Variants in LTBP1 observed in about 807,000 individuals in gnomAD.
The protein encoded by LTBP1 is latent transforming growth factor beta binding protein 1, also known as latent-transforming growth factor beta-binding protein 1.
A neutral mutation model predicts 207.6 loss-of-function variants in LTBP1; 129 were observed. That is an observed-to-expected ratio of 0.62 (90% CI 0.54 to 0.72). The LOEUF (loss-of-function observed/expected upper bound fraction) is 0.72. LTBP1 is among the 30% of genes least tolerant of loss of function. LTBP1 has a pLI of 0.00. For synonymous variants in LTBP1, 963 were observed against 833.7 expected (o/e 1.16, Z -2.67); for missense variants, 2,281 against 2,217.2 (o/e 1.03, Z -0.58).
chr2:33,199,821 T>G (rs1192875788), intron 7 of LTBP1, among the ~76,000 whole-genome samples: 2 of 151,924 alleles, frequency 1.3e-5, no homozygotes, highest in African/African-American at 4.8e-5. Context: ...AGCATTCTTA[T>G]ACACCAATAA....
intron 2 of LTBP1, among the ~76,000 whole-genome samples, chr2:32,985,208 G>T (rs57539430): frequency 6.6e-6 from 1 of 152,146 alleles, no homozygotes; most frequent in Non-Finnish European, 1.5e-5. Context: ...TGTCCCATTA[G>T]ATCTTTATCA....
chr2:33,073,743 C>G (rs2077928133), intron 3 of LTBP1, among the ~76,000 whole-genome samples: 1 of 152,120 alleles, frequency 6.6e-6, no homozygotes, highest in Non-Finnish European at 1.5e-5. Context: ...TCTTGTGCCT[C>G]AGCTTCCTGA....
At position 32,999,878 on chromosome 2, in the gene LTBP1, G is replaced by A. The variant is rs961431572; in HGVS notation, c.566-21031G>A. Among the ~76,000 whole-genome samples the A allele has an allele frequency of 9.7e-5, 13 of 133,972 alleles. 2 individuals are homozygous for A. Among genetic ancestry groups the A allele is most frequent in the African/African-American group, 2.9e-4 (11 of 38,442 alleles). The allele number at this position is 133,972 out of a possible 152,430, so 87.9% of individuals were successfully genotyped here. A position where few individuals can be genotyped will look rare whatever the true frequency, so the allele number is the denominator to read the frequency against. On this transcript the variant is annotated intron_variant, in intron 2 of 33. Coordinates refer to ENST00000404816, the MANE Select transcript of LTBP1 (RefSeq NM_206943.4). ...CAGGGTTGTGTGTGTGTGAGAGATC[G>A]AGGGAGGCACAGACAACAGCGTTGT...
At chr2:33,101,949 G>T (rs1362650957) in intron 3 of LTBP1, among the ~76,000 whole-genome samples, 1 of 152,138 alleles carries the variant, frequency 6.6e-6, no homozygotes, top group Admixed American at 6.6e-5. Flanking sequence ...TTGCAGATAG[G>T]ATATCTGCTT....
At chr2:33,263,753 A>T (rs1245765776) in intron 15 of LTBP1, among the ~76,000 whole-genome samples, 1 of 151,926 alleles carries the variant, frequency 6.6e-6, no homozygotes, top group Non-Finnish European at 1.5e-5. Flanking sequence ...AGAGATCGAG[A>T]CCATCCTGGC....
intron 7 of LTBP1, among the ~76,000 whole-genome samples, chr2:33,208,513 GGTTATCCTT>G (rs1374915578): frequency 6.6e-6 from 1 of 152,164 alleles, no homozygotes; most frequent in Non-Finnish European, 1.5e-5. Context: ...CCATTATTAT[GGTTATCCTT>G]GATTAGGTTG....
intron 2 of LTBP1, among the ~76,000 whole-genome samples, chr2:32,954,060 G>A (rs1050626591): frequency 5.3e-5 from 8 of 152,158 alleles, no homozygotes; most frequent in African/African-American, 1.9e-4. Flanking sequence ...TTGAGGCAGG[G>A]ATGCTTTATT....
chr2:33,378,294 C>T (rs1001305108), intron 31 of LTBP1, among the ~76,000 whole-genome samples: 3 of 151,482 alleles, frequency 2.0e-5, no homozygotes, highest in Non-Finnish European at 2.9e-5. Flanking sequence ...GGCACGATCT[C>T]GGCTCACTGA....
At chr2:33,147,416 A>G (rs1360812590) in intron 5 of LTBP1, among the ~76,000 whole-genome samples, 1 of 152,162 alleles carries the variant, frequency 6.6e-6, no homozygotes, top group Non-Finnish European at 1.5e-5. Context: ...TGCTCTGAGG[A>G]TGCTGTGCTG....
At chr2:33,348,514 C>G (rs1014891913) in intron 26 of LTBP1, among the ~76,000 whole-genome samples, 2 of 152,092 alleles carry the variant, frequency 1.3e-5, no homozygotes, top group South Asian at 4.1e-4. Flanking sequence ...AAAGAAGAGA[C>G]TTTTCATTTT....
intron 23 of LTBP1, among the ~76,000 whole-genome samples, chr2:33,310,815 C>T (rs1054994161): frequency 2.0e-5 from 3 of 152,170 alleles, no homozygotes; most frequent in Non-Finnish European, 4.4e-5. Flanking sequence ...AAGCTTTCCT[C>T]TATTTACTAG....
chr2:33,008,414 T>TA (rs528688200), intron 2 of LTBP1, among the ~76,000 whole-genome samples: 1 of 152,278 alleles, frequency 6.6e-6, no homozygotes, highest in South Asian at 2.1e-4. Flanking sequence ...ATTTCTTTTT[T>TA]AAAAAAATAT....
At chr2:32,986,518 G>A (rs546352924) in intron 2 of LTBP1, among the ~76,000 whole-genome samples, 1 of 152,294 alleles carries the variant, frequency 6.6e-6, no homozygotes, top group East Asian at 1.9e-4. Flanking sequence ...GACCTGAACC[G>A]GCTACATCAT....
At chr2:33,329,205 A>G (rs2094465477) in intron 24 of LTBP1, among the ~76,000 whole-genome samples, 1 of 152,194 alleles carries the variant, frequency 6.6e-6, no homozygotes, top group South Asian at 2.1e-4. Flanking sequence ...GTTTAGCCAT[A>G]CTGAGTAAAG....
chr2:33,387,354 T>G (rs1448820900), intron 31 of LTBP1, among the ~76,000 whole-genome samples: 2 of 152,246 alleles, frequency 1.3e-5, no homozygotes, highest in Non-Finnish European at 2.9e-5. Flanking sequence ...TGACAGCCAT[T>G]TGTGCTCTCT....
intron 3 of LTBP1, among the ~76,000 whole-genome samples, chr2:33,088,744 A>G (rs1023657868): frequency 6.6e-6 from 1 of 152,098 alleles, no homozygotes; most frequent in Non-Finnish European, 1.5e-5. Context: ...TTTATTAGTG[A>G]CAAATGAGTG....
intron 5 of LTBP1, among the ~76,000 whole-genome samples, chr2:33,174,688 C>T (rs529992015): frequency 3.9e-4 from 59 of 152,168 alleles, no homozygotes; most frequent in African/African-American, 1.2e-3. Flanking sequence ...AAAAAGAGCC[C>T]GCATCGCAAA....
intron 3 of LTBP1, among the ~76,000 whole-genome samples, chr2:33,023,268 T>C (rs1414922303): frequency 6.6e-6 from 1 of 152,258 alleles, no homozygotes; most frequent in African/African-American, 2.4e-5. Flanking sequence ...AGCAACATTA[T>C]TCATCTTCAA....
At chr2:33,287,387 C>A (rs1315341411) in intron 19 of LTBP1, among the ~76,000 whole-genome samples, 1 of 152,118 alleles carries the variant, frequency 6.6e-6, no homozygotes, top group African/African-American at 2.4e-5. Flanking sequence ...GTCTCATGTA[C>A]CCTTCGTGTA....
Sources: gnomAD v4.1 joint callset for allele counts (sites outside exome capture counted in the v4.1 genomes callset) on GRCh38, gnomAD v4.1.1 for gene constraint, MANE v1.5 for transcripts, NCBI Gene and HGNC (gene_info 2026-07-23, HGNC 2026-07-21) for gene names.